TMEM229B: variants seen among roughly 807,000 people sequenced by gnomAD.
TMEM229B encodes transmembrane protein 229B.
Under a neutral mutation model 13.7 loss-of-function variants are expected in TMEM229B, and 6 were observed. The ratio of observed to expected loss-of-function variants is 0.44; its 90% CI spans 0.24 to 0.86. The LOEUF is 0.86. Among genes scored for constraint, TMEM229B ranks in the 40% least tolerant of loss-of-function variants. The pLI is 0.23. For synonymous variants in TMEM229B, 107 were observed against 102.1 expected, an observed-to-expected ratio of 1.05 and a Z score of -0.29; for missense variants, 170 against 236.0, an observed-to-expected ratio of 0.72 and a Z score of 1.83.
At chr14:67,523,119 T>C (rs2033314552) in intron 1 of TMEM229B, among the ~76,000 whole-genome samples, 1 of 152,024 alleles carries the variant, frequency 6.6e-6, no homozygotes, top group South Asian at 2.1e-4. Context: ...GGTCAGGAGT[T>C]CAAGACCAGC....
chr14:67,498,757 C>G (rs2032490571), intron 1 of TMEM229B, among the ~76,000 whole-genome samples: 1 of 152,130 alleles, frequency 6.6e-6, no homozygotes, highest in Admixed American at 6.5e-5. Flanking sequence ...CCTCCATCTC[C>G]TGGGTTCAAG....
At chr14:67,500,549 T>G (rs140719540) in intron 1 of TMEM229B, among the ~76,000 whole-genome samples, 23 of 152,034 alleles carry the variant, frequency 1.5e-4, no homozygotes, top group African/African-American at 5.1e-4. Flanking sequence ...TGTGTTGCTT[T>G]TATGATTTTC....
At chr14:67,502,869 G>C (rs963201493) in intron 1 of TMEM229B, among the ~76,000 whole-genome samples, 4 of 152,126 alleles carry the variant, frequency 2.6e-5, no homozygotes, top group African/African-American at 9.7e-5. Context: ...ACCTTGTACA[G>C]GGTCCTGAAA....
At chr14:67,488,374 T>G (rs1205690729) in intron 1 of TMEM229B, 134 bp downstream of exon 1, 31 of 152,168 alleles carry the variant, frequency 2.0e-4, no homozygotes, top group Admixed American at 2.0e-3. Context: ...TTTTGGGGGG[T>G]GCCCCCCTGG....
Position 67,473,438 on chromosome 14 carries a change from G to A in TMEM229B, c.486C>T (p.Gly162=), listed in dbSNP as rs1480143359. 1.2e-6 allele frequency: 2 copies of A among 1,614,062 alleles called. No individual in the cohort carries two copies. The highest frequency in any genetic ancestry group is 8.5e-7 in the Non-Finnish European group (1 of 1,180,012). The stretch of plus-strand genomic sequence containing the variant: ...TTCCTGCTCAGTCAGTCTTGACATG[G>A]CCGTTGGCCAGGGCTAGGGCGCCGC... The part of the protein sequence containing the change: ...EPSGALALAN[G]HVKTD The change falls in exon 3 of 3, where the codon GGC becomes GGT. Residue 162 remains glycine (G), a synonymous_variant. Transcript: ENST00000554480. This position sits in a 1 kb window ranked among gnomAD's most constrained non-coding sequence, Gnocchi z 6.5.
At chr14:67,526,325 C>A (rs4899207) in intron 1 of TMEM229B, among the ~76,000 whole-genome samples, 37,068 of 152,124 alleles carry the variant, frequency 0.24, 4,735 homozygotes, top group Middle Eastern at 0.32. Flanking sequence ...CTTTGTGCAG[C>A]GGCATCTCTT....
At chr14:67,502,558 T>C (rs2032653216) in intron 1 of TMEM229B, among the ~76,000 whole-genome samples, 1 of 149,068 alleles carries the variant, frequency 6.7e-6, no homozygotes, top group African/African-American at 2.5e-5. Context: ...ATTCAAGCAA[T>C]TCTCCTGCCT....
upstream of TMEM229B, among the ~76,000 whole-genome samples, chr14:67,515,736 A>C (rs1315115077): frequency 5.3e-5 from 8 of 152,214 alleles, no homozygotes; most frequent in Admixed American, 2.0e-4. Flanking sequence ...TGTGGGGACC[A>C]GGCGTGCAAC....
intron 1 of TMEM229B, among the ~76,000 whole-genome samples, chr14:67,501,043 G>A (rs892371951): frequency 4.7e-5 from 4 of 85,962 alleles, no homozygotes; most frequent in African/African-American, 1.8e-4. Context: ...ATACTTGGGG[G>A]TTAATAATAA....
intron 2 of TMEM229B, among the ~76,000 whole-genome samples, chr14:67,481,128 C>T (rs762500729): frequency 6.6e-6 from 1 of 151,598 alleles, no homozygotes; most frequent in African/African-American, 2.4e-5. Context: ...ACCATCTCTA[C>T]AAAAAGAAAA....
upstream of TMEM229B, among the ~76,000 whole-genome samples, chr14:67,519,787 A>G (rs1566706688): frequency 6.6e-6 from 1 of 150,864 alleles, no homozygotes; most frequent in Non-Finnish European, 1.5e-5. Flanking sequence ...CAGTGGCATG[A>G]TCATGGCTTA....
At chr14:67,478,455 A>C (rs778185851) in intron 2 of TMEM229B, among the ~76,000 whole-genome samples, 3 of 152,218 alleles carry the variant, frequency 2.0e-5, no homozygotes, top group Non-Finnish European at 2.9e-5. Context: ...ATGACTCCAA[A>C]GGTCTCCCAG....
rs757183130 is a variant in TMEM229B at position 67,508,753 on chromosome 14, C to CAAAAAAAAAAAAAA, written c.-192+6319_-192+6332dup. ...TGGGTGACAGAGCAAAACCTTGTCT[C>CAAAAAAAAAAAAAA]AAAAAAAAAAAAAAAAAACAGAAGA... On this transcript the variant is annotated intron_variant, in intron 1 of 2. Transcript: ENST00000357461. 1.2e-3 allele frequency among the ~76,000 whole-genome samples: 57 copies of CAAAAAAAAAAAAAA among 46,708 alleles called. 5 individuals carry two copies. The highest frequency in any genetic ancestry group is 1.9e-3 in the South Asian group (2 of 1,066). The allele number at this position is 46,708 out of a possible 152,430, so 30.6% of individuals were successfully genotyped here.
In TMEM229B at chr14:67,471,755, C is replaced by A. The variant is rs1315731; in HGVS notation, c.*1665G>T. On this transcript the variant is annotated 3_prime_UTR_variant, in exon 3 of 3. Transcript: ENST00000554480. ...CACAACTGTGGCCCACCCCACCACA[C>A]CCTGCACCCCACCACACCCTGCACA... The A allele has an allele frequency of 0.31, 47,259 of 152,238 alleles. 8,030 individuals are homozygous for A. The highest frequency in any genetic ancestry group is 0.45 in the African/African-American group (18,751 of 41,440). 9.4% of individuals were successfully genotyped at this position (152,238 alleles called of 1,614,324 possible). A position where few individuals can be genotyped will look rare whatever the true frequency, so the allele number is the denominator to read the frequency against.
intron 2 of TMEM229B, among the ~76,000 whole-genome samples, chr14:67,475,476 A>C (rs2031125981): frequency 6.6e-6 from 1 of 152,190 alleles, no homozygotes; most frequent in Non-Finnish European, 1.5e-5. Flanking sequence ...GCTGTTTTCC[A>C]CAGTGGCCAC....
intron 2 of TMEM229B, among the ~76,000 whole-genome samples, chr14:67,478,903 T>C (rs917636980): frequency 6.6e-6 from 1 of 152,128 alleles, no homozygotes; most frequent in Non-Finnish European, 1.5e-5. Context: ...TTTAAGATAG[T>C]GGTAAGAGAA....
At chr14:67,481,813 C>T (rs893453217) in intron 2 of TMEM229B, among the ~76,000 whole-genome samples, 1 of 152,168 alleles carries the variant, frequency 6.6e-6, no homozygotes, top group African/African-American at 2.4e-5. Context: ...GGATCAGAGC[C>T]CTGGGAAAGC....
chr14:67,474,914 C>CTTTTTTTTTTTTTTTTTTTTTTTTTTTT, intron 2 of TMEM229B, among the ~76,000 whole-genome samples: 1 of 124,958 alleles, frequency 8.0e-6, no homozygotes, highest in Non-Finnish European at 1.6e-5. Context: ...GAATTTCCTT[C>CTTTTTTTTTTTTTTTTTTTTTTTTTTTT]TTTTTTTTTT....
At chr14:67,512,355 G>C (rs1346628127) in intron 1 of TMEM229B, among the ~76,000 whole-genome samples, 1 of 152,168 alleles carries the variant, frequency 6.6e-6, no homozygotes, top group East Asian at 1.9e-4. Context: ...GCCAATAGAG[G>C]CTGAAATTCC....
Sources: allele counts gnomAD v4.1 joint callset (sites outside exome capture counted in the v4.1 genomes callset), GRCh38; gene constraint gnomAD v4.1.1; non-coding constraint Gnocchi (gnomAD v3.1); transcripts MANE v1.5; gene names NCBI Gene and HGNC (gene_info 2026-07-23, HGNC 2026-07-21).